ROBO2: variants seen among roughly 807,000 people sequenced by gnomAD.
ROBO2 encodes roundabout guidance receptor 2.
ROBO2 carries 53 observed loss-of-function variants against 160.8 expected under a neutral mutation model. The ratio of observed to expected loss-of-function variants is 0.33; its 90% confidence interval spans 0.26 to 0.41. The LOEUF (loss-of-function observed/expected upper bound fraction) is 0.41, where lower values mean the gene tolerates loss of function less well. Among genes scored for constraint, ROBO2 ranks in the 10% least tolerant of loss-of-function variants. ROBO2 has a pLI of 1.00. For missense variants in ROBO2, 1,577 were observed against 1,722.4 expected (o/e 0.92, Z 1.49); for synonymous variants, 664 against 611.7 (o/e 1.09, Z -1.26).
chr3:77,544,530 A>G (rs552728868), intron 6 of ROBO2, among the ~76,000 whole-genome samples: 6 of 152,218 alleles, frequency 3.9e-5, no homozygotes, highest in East Asian at 3.9e-4. Context: ...AAATAAGTCA[A>G]TACAAATCCC....
At chr3:77,106,519 T>C (rs183847894) in intron 2 of ROBO2, among the ~76,000 whole-genome samples, 197 of 152,310 alleles carry the variant, frequency 1.3e-3, no homozygotes, top group Admixed American at 4.9e-3. Flanking sequence ...ATTTCCCTTC[T>C]TTAGATCTAT....
intron 2 of ROBO2, among the ~76,000 whole-genome samples, chr3:76,016,202 A>G (rs1470753493): frequency 1.1e-5 from 1 of 94,282 alleles, no homozygotes; most frequent in Admixed American, 1.4e-4. Context: ...GATAGAACCA[A>G]AGGAAGACAT....
intron 2 of ROBO2, among the ~76,000 whole-genome samples, chr3:77,223,692 C>A (rs181387419): frequency 6.6e-6 from 1 of 152,058 alleles, no homozygotes; most frequent in African/African-American, 2.4e-5. Flanking sequence ...TATTTAACAC[C>A]TAAACATTAA....
At chr3:76,465,137 T>C (rs2078294045) in intron 2 of ROBO2, among the ~76,000 whole-genome samples, 1 of 152,056 alleles carries the variant, frequency 6.6e-6, no homozygotes, top group Non-Finnish European at 1.5e-5. Context: ...TATATTTTTG[T>C]TGAGGCGTAA....
chr3:76,157,002 A>G (rs1204772505), intron 2 of ROBO2, among the ~76,000 whole-genome samples: 2 of 152,074 alleles, frequency 1.3e-5, no homozygotes, highest in Non-Finnish European at 2.9e-5. Flanking sequence ...AAATAAAAGA[A>G]ACAGTTGTAA....
At chr3:76,754,541 T>C (rs1452174556) in intron 2 of ROBO2, among the ~76,000 whole-genome samples, 1 of 151,934 alleles carries the variant, frequency 6.6e-6, no homozygotes, top group East Asian at 1.9e-4. Context: ...TGCCTTATGA[T>C]GTGTAAGTAT....
chr3:76,869,905 T>C (rs1201045952), intron 2 of ROBO2, among the ~76,000 whole-genome samples: 1 of 152,010 alleles, frequency 6.6e-6, no homozygotes, highest in Admixed American at 6.6e-5. Context: ...ACAATTCTCA[T>C]CCTCCCACTC....
chr3:76,748,997 A>C (rs2093936584), intron 2 of ROBO2, among the ~76,000 whole-genome samples: 1 of 151,918 alleles, frequency 6.6e-6, no homozygotes, highest in Non-Finnish European at 1.5e-5. Context: ...TAAAATATTT[A>C]TGATACACTA....
chr3:77,063,440 T>C (rs915797953), intron 1 of ROBO2, among the ~76,000 whole-genome samples: 5 of 151,714 alleles, frequency 3.3e-5, no homozygotes, highest in Non-Finnish European at 5.9e-5. Flanking sequence ...TAATTAGGAG[T>C]TTCACCAGAA....
At chr3:77,357,453 G>T (rs2069301351) in intron 2 of ROBO2, among the ~76,000 whole-genome samples, 1 of 152,082 alleles carries the variant, frequency 6.6e-6, no homozygotes, top group Non-Finnish European at 1.5e-5. Context: ...GTCCACAACA[G>T]ACGCAGCCCT....
chr3:76,673,221 A>C (rs2092316148), intron 2 of ROBO2, among the ~76,000 whole-genome samples: 2 of 152,094 alleles, frequency 1.3e-5, no homozygotes. Flanking sequence ...CATCTCACCA[A>C]TGTAGGTTTT....
chr3:76,383,850 T>C (rs1346794809), intron 2 of ROBO2, among the ~76,000 whole-genome samples: 2 of 152,230 alleles, frequency 1.3e-5, no homozygotes. Flanking sequence ...GTGAACTCTA[T>C]GTAAGGTTAC....
chr3:76,787,328 CCACACACACACACACA>C (rs60806662), intron 2 of ROBO2, among the ~76,000 whole-genome samples: 1 of 142,168 alleles, frequency 7.0e-6, no homozygotes, highest in Non-Finnish European at 1.5e-5. Flanking sequence ...TGTAAACACA[CCACACACACACACACA>C]CACACACACA....
At chr3:76,411,382 C>A (rs896873052) in intron 2 of ROBO2, among the ~76,000 whole-genome samples, 1 of 151,850 alleles carries the variant, frequency 6.6e-6, no homozygotes, top group Non-Finnish European at 1.5e-5. Flanking sequence ...TAGAAACATA[C>A]AAAATAAATT....
At chr3:76,273,184 A>G (rs984984624) in intron 2 of ROBO2, among the ~76,000 whole-genome samples, 1 of 140,402 alleles carries the variant, frequency 7.1e-6, no homozygotes, top group Admixed American at 7.8e-5. Flanking sequence ...TTTTATTTAC[A>G]TGGATAAGTG....
At chr3:76,172,936 A>C (rs964203192) in intron 2 of ROBO2, among the ~76,000 whole-genome samples, 2 of 152,200 alleles carry the variant, frequency 1.3e-5, no homozygotes, top group South Asian at 2.1e-4. Flanking sequence ...ACATATATAT[A>C]TATAAAGCTT....
At chr3:76,854,904 GAACCAAAAGAACCT>G (rs2069875443) in intron 2 of ROBO2, among the ~76,000 whole-genome samples, 1 of 152,068 alleles carries the variant, frequency 6.6e-6, no homozygotes, top group Non-Finnish European at 1.5e-5. Context: ...AAAAATATCC[GAACCAAAAGAACCT>G]AATTGTATAT....
intron 2 of ROBO2, among the ~76,000 whole-genome samples, chr3:75,987,452 T>A (rs2065444303): frequency 6.6e-6 from 1 of 152,038 alleles, no homozygotes; most frequent in African/African-American, 2.4e-5. Flanking sequence ...TGCGTGTGTG[T>A]GTGATCTTTA....
At chr3:76,529,327 A>G (rs927991642) in intron 2 of ROBO2, among the ~76,000 whole-genome samples, 1 of 152,176 alleles carries the variant, frequency 6.6e-6, no homozygotes, top group Non-Finnish European at 1.5e-5. Context: ...ATTGCTCTGC[A>G]TGTATTCCAG....
Sources: gnomAD v4.1 joint callset for allele counts (sites outside exome capture counted in the v4.1 genomes callset) on GRCh38, gnomAD v4.1.1 for gene constraint, MANE v1.5 for transcripts, NCBI Gene and HGNC (gene_info 2026-07-23, HGNC 2026-07-21) for gene names.